Variants in PDE4D observed in about 807,000 individuals in gnomAD.
PDE4D encodes 3',5'-cyclic-AMP phosphodiesterase 4D.
Under a neutral mutation model 87.4 loss-of-function variants are expected in PDE4D, and 24 were observed. The ratio of observed to expected loss-of-function variants is 0.27; its 90% CI spans 0.20 to 0.39. The LOEUF (loss-of-function observed/expected upper bound fraction) is 0.39, where lower values mean the gene tolerates loss of function less well. Among genes scored for constraint, PDE4D ranks in the 10% least tolerant of loss-of-function variants. The pLI, the probability that PDE4D is intolerant of heterozygous loss-of-function variation, is 1.00. For missense variants in PDE4D, 714 were observed against 1,041.0 expected (o/e 0.69, Z 4.32); for synonymous variants, 384 against 383.2 (o/e 1.00, Z -0.02).
chr5:59,384,774 T>A (rs1013163394), intron 1 of PDE4D, among the ~76,000 whole-genome samples: 6 of 152,022 alleles, frequency 3.9e-5, no homozygotes, highest in African/African-American at 1.4e-4. Flanking sequence ...ACTGGGTTTT[T>A]TTTTCTTGAT....
intron 1 of PDE4D, among the ~76,000 whole-genome samples, chr5:59,646,703 T>C (rs371369550): frequency 5.3e-5 from 8 of 152,198 alleles, no homozygotes; most frequent in African/African-American, 1.9e-4. Context: ...AATGACATCA[T>C]GATAGGCTTT....
chr5:60,519,246 A>T (rs1750933481), intron 1 of PDE4D, among the ~76,000 whole-genome samples: 1 of 152,238 alleles, frequency 6.6e-6, no homozygotes, highest in African/African-American at 2.4e-5. Context: ...TTAGCAGTTT[A>T]AAAAGAACTC....
intron 1 of PDE4D, among the ~76,000 whole-genome samples, chr5:59,532,254 C>T (rs1814373652): frequency 6.6e-6 from 1 of 152,106 alleles, no homozygotes; most frequent in Admixed American, 6.6e-5. Context: ...CCTGCCTCAG[C>T]CTCCTGAGTA....
At chr5:59,539,948 A>G (rs768089834) in intron 1 of PDE4D, among the ~76,000 whole-genome samples, 19 of 152,122 alleles carry the variant, frequency 1.2e-4, no homozygotes, top group African/African-American at 3.9e-4. Flanking sequence ...CATCTGTCCT[A>G]TGGTATTCTT....
At chr5:59,579,314 A>G (rs1444791644) in intron 1 of PDE4D, among the ~76,000 whole-genome samples, 1 of 152,132 alleles carries the variant, frequency 6.6e-6, no homozygotes, top group Non-Finnish European at 1.5e-5. Context: ...GGCATCCCCT[A>G]TGAATAAATA....
At chr5:60,415,508 GCGAGTTC>G (rs1180877209) in intron 1 of PDE4D, among the ~76,000 whole-genome samples, 1 of 152,254 alleles carries the variant, frequency 6.6e-6, no homozygotes, top group Non-Finnish European at 1.5e-5. Flanking sequence ...GAAGGCCAGT[GCGAGTTC>G]CGGTGGGCGT....
At chr5:59,885,233 A>G (rs1271906979) in intron 1 of PDE4D, among the ~76,000 whole-genome samples, 1 of 152,136 alleles carries the variant, frequency 6.6e-6, no homozygotes, top group Non-Finnish European at 1.5e-5. Context: ...TTAATAGCCT[A>G]TATGATATGT....
chr5:60,337,668 C>T (rs1040516446), intron 1 of PDE4D, among the ~76,000 whole-genome samples: 9 of 151,990 alleles, frequency 5.9e-5, no homozygotes, highest in Non-Finnish European at 1.2e-4. Context: ...CGGTATCAGA[C>T]GGCCCTCACA....
At chr5:59,924,725 G>A (rs1412516493) in intron 3 of PDE4D, among the ~76,000 whole-genome samples, 1 of 152,084 alleles carries the variant, frequency 6.6e-6, no homozygotes, top group Non-Finnish European at 1.5e-5. Context: ...GATTTCTTAA[G>A]AAAAGGACAT....
chr5:58,981,446 AT>A (rs1745121558), intron 11 of PDE4D, among the ~76,000 whole-genome samples: 3 of 150,544 alleles, frequency 2.0e-5, no homozygotes, highest in African/African-American at 7.3e-5. Flanking sequence ...TTAAATACTA[AT>A]ATAAAGTTAA....
Position 60,293,307 on chromosome 5 carries a change from G to A in PDE4D, c.-89-107620C>T, listed in dbSNP as rs1171565280. Among the ~76,000 whole-genome samples the A allele has an allele frequency of 4.6e-5, 7 of 152,024 alleles. No homozygotes were observed. In the East Asian group the frequency reaches 7.7e-4, roughly 17 times the overall value. ...TTGGGAGGCGATCACAAGGTCAGGA[G>A]ATCAAGACCATCCTGGCTAACACGG... On this transcript the variant is annotated intron_variant, in intron 1 of 16. Coordinates refer to the PDE4D transcript ENST00000502484.
chr5:60,015,951 G>T (rs185997730), intron 2 of PDE4D, among the ~76,000 whole-genome samples: 1 of 150,046 alleles, frequency 6.7e-6, no homozygotes, highest in Non-Finnish European at 1.5e-5. Context: ...GCAGTGGCAC[G>T]ATCTCGGCTC....
intron 1 of PDE4D, among the ~76,000 whole-genome samples, chr5:60,300,205 AGT>A (rs1753770832): frequency 1.3e-5 from 2 of 152,144 alleles, no homozygotes; most frequent in Admixed American, 1.3e-4. Flanking sequence ...TCTTTTGCAA[AGT>A]GTCTGTTCAT....
At chr5:59,649,932 T>TTTTTTTTTTTTTTTTTTTTTTTTTG in intron 1 of PDE4D, among the ~76,000 whole-genome samples, 1 of 141,836 alleles carries the variant, frequency 7.1e-6, no homozygotes, top group Admixed American at 7.3e-5. Context: ...TTTTTTTTTT[T>TTTTTTTTTTTTTTTTTTTTTTTTTG]AGCAATGACC....
intron 1 of PDE4D, among the ~76,000 whole-genome samples, chr5:60,296,138 G>C (rs556581173): frequency 1.3e-5 from 2 of 152,160 alleles, no homozygotes; most frequent in Non-Finnish European, 2.9e-5. Flanking sequence ...CACCTTGGAG[G>C]TGAGGACTTC....
chr5:60,107,762 T>C (rs62370614), intron 2 of PDE4D, among the ~76,000 whole-genome samples: 9,901 of 152,218 alleles, frequency 0.065, 446 homozygotes, highest in Non-Finnish European at 0.1. Flanking sequence ...AAAAACCACA[T>C]GATTATCTCA....
chr5:59,376,074 A>C (rs1483971758), intron 1 of PDE4D, among the ~76,000 whole-genome samples: 3 of 152,234 alleles, frequency 2.0e-5, no homozygotes, highest in African/African-American at 7.2e-5. Flanking sequence ...ACCCACAGTC[A>C]ACATCATACT....
At chr5:59,476,183 G>T (rs1311794627) in intron 1 of PDE4D, among the ~76,000 whole-genome samples, 2 of 151,912 alleles carry the variant, frequency 1.3e-5, no homozygotes, top group Non-Finnish European at 2.9e-5. Context: ...TTATGGAAAA[G>T]CAGCACTCTC....
chr5:59,713,514 C>G (rs1167801588), intron 1 of PDE4D, among the ~76,000 whole-genome samples: 2 of 152,186 alleles, frequency 1.3e-5, no homozygotes, highest in African/African-American at 4.8e-5. Flanking sequence ...CATGATTCCT[C>G]TAGTGTTTTT....
Sources: allele counts gnomAD v4.1 joint callset (sites outside exome capture counted in the v4.1 genomes callset), GRCh38; gene constraint gnomAD v4.1.1; transcripts MANE v1.5; gene names NCBI Gene and HGNC (gene_info 2026-07-23, HGNC 2026-07-21).